The following RUNX1 variants were observed in gnomAD, a reference collection of about 807,000 sequenced individuals.
The protein encoded by RUNX1 is RUNX family transcription factor 1, also known as runt-related transcription factor 1.
A neutral mutation model predicts 42.8 loss-of-function variants in RUNX1; 19 were observed. That is an observed-to-expected ratio of 0.44 (90% CI 0.31 to 0.65). The LOEUF (loss-of-function observed/expected upper bound fraction) is 0.65, where lower values mean the gene tolerates loss of function less well. Ranked by LOEUF, RUNX1 falls within the 30% of genes least tolerant of loss-of-function variation. RUNX1 has a pLI of 0.07. For synonymous variants in RUNX1, 271 were observed against 289.4 expected, an observed-to-expected ratio of 0.94 and a Z score of 0.64; for missense variants, 528 against 672.0, an observed-to-expected ratio of 0.79 and a Z score of 2.37.
Position 34,812,853 on chromosome 21 carries a change from A to T in RUNX1, c.806-13391T>A, listed in dbSNP as rs200084022. Among the ~76,000 whole-genome samples, 26 of 152,202 alleles carry T rather than the reference A, an allele frequency of 1.7e-4. 1 individual carries two copies. The highest frequency in any genetic ancestry group is 1.2e-3 in the East Asian group (6 of 5,184). ...GGGCTAAAATGGAGTAATTTTTTTT[A>T]AAAAAATTAAATGTAGAGGTTGAGA... is the stretch of plus-strand genomic sequence containing the variant. On this transcript the variant is annotated intron_variant, in intron 7 of 8. Transcript: ENST00000675419.
chr21:34,877,812 C>T (rs2057835906), intron 5 of RUNX1, among the ~76,000 whole-genome samples: 1 of 152,098 alleles, frequency 6.6e-6, no homozygotes, highest in Non-Finnish European at 1.5e-5. Context: ...GTTTACAATC[C>T]CCATGGACTG....
intron 6 of RUNX1, among the ~76,000 whole-genome samples, chr21:34,841,220 T>A (rs1234676683): frequency 6.6e-6 from 1 of 152,152 alleles, no homozygotes; most frequent in Non-Finnish European, 1.5e-5. Flanking sequence ...CCTGTTCCTC[T>A]AGCTCATGCC....
chr21:34,928,523 G>A (rs991931407), intron 2 of RUNX1, among the ~76,000 whole-genome samples: 1 of 151,892 alleles, frequency 6.6e-6, no homozygotes, highest in Non-Finnish European at 1.5e-5. Flanking sequence ...GTGAAACCCC[G>A]CCTCTACTAA....
At chr21:35,005,432 T>G (rs2059077164) in intron 2 of RUNX1, among the ~76,000 whole-genome samples, 1 of 152,128 alleles carries the variant, frequency 6.6e-6, no homozygotes. Context: ...CCCCACCCCA[T>G]ACCCCACGAA....
chr21:35,012,952 C>T (rs1178773199), intron 2 of RUNX1, among the ~76,000 whole-genome samples: 1 of 152,170 alleles, frequency 6.6e-6, no homozygotes, highest in Non-Finnish European at 1.5e-5. Flanking sequence ...ATCGATAATA[C>T]ATAAATGAAC....
At chr21:34,934,153 T>A (rs2058468359) in intron 2 of RUNX1, among the ~76,000 whole-genome samples, 1 of 152,210 alleles carries the variant, frequency 6.6e-6, no homozygotes, top group South Asian at 2.1e-4. Context: ...AAGTTTCTCA[T>A]GAGCTGTGAC....
rs1436154174 is a variant in RUNX1, at chr21:34,963,643, T to A, written c.59-70680A>T. ...GCCTTTGATTCTCCCTCCCTTGATCTGTAAGTTGTTCAAGCTATAGTCCAC... is the reference window on the plus strand; with the variant it reads ...GCCTTTGATTCTCCCTCCCTTGATCAGTAAGTTGTTCAAGCTATAGTCCAC... On this transcript the variant is annotated intron_variant, in intron 2 of 8. Coordinates refer to ENST00000675419, the MANE Select transcript of RUNX1 (RefSeq NM_001754.5). 2.6e-5 allele frequency among the ~76,000 whole-genome samples: 4 copies of A among 152,306 alleles called. No individual in the cohort carries two copies. In the East Asian group the frequency reaches 7.7e-4, roughly 29 times the overall value.
chr21:34,912,543 T>C (rs764370392), intron 2 of RUNX1, among the ~76,000 whole-genome samples: 9 of 152,140 alleles, frequency 5.9e-5, no homozygotes, highest in Non-Finnish European at 8.8e-5. Flanking sequence ...CTCATTCCGA[T>C]GGAAAACATT....
At chr21:35,047,348 C>T (rs940642969) in intron 2 of RUNX1, among the ~76,000 whole-genome samples, 2 of 151,954 alleles carry the variant, frequency 1.3e-5, no homozygotes, top group East Asian at 1.9e-4. Flanking sequence ...ACCAACCAAA[C>T]GACGCTGCAA....
rs868726626 is a variant in RUNX1 at position 34,859,564 on chromosome 21, G to C, written c.523C>G (p.Leu175Val). The C allele has an allele frequency of 1.4e-5, 23 of 1,613,918 alleles. No individual in the cohort carries two copies. Among genetic ancestry groups the C allele is most frequent in the Non-Finnish European group, 1.9e-5 (23 of 1,179,884 alleles). ...GGGTTTGTGAAGACAGTGATGGTCA[G>C]AGTGAAGCTTTTCCCTGTGGGGACA... ...GRSGRGKSFTLTITVFTNPPQ... is the reference protein window; with the variant it reads ...GRSGRGKSFTVTITVFTNPPQ... The change falls in exon 6 of 9, where the codon CTG (leucine) becomes GTG (valine). Residue 175 changes from leucine to valine, a missense_variant. By Grantham distance (32) the Leu-to-Val change is conservative. Transcript: ENST00000675419.
intron 2 of RUNX1, among the ~76,000 whole-genome samples, chr21:34,925,921 T>C (rs1185813516): frequency 1.3e-5 from 2 of 152,090 alleles, no homozygotes; most frequent in African/African-American, 4.8e-5. Flanking sequence ...AGGCTAGTAC[T>C]ATAGAGTGCT....
chr21:34,960,684 G>T (rs1004899396), intron 2 of RUNX1, among the ~76,000 whole-genome samples: 18 of 152,194 alleles, frequency 1.2e-4, no homozygotes, highest in Non-Finnish European at 2.4e-4. Flanking sequence ...CCGTGGCTGA[G>T]TTCTAGGAGG....
chr21:35,043,048 C>T (rs1055022699), intron 2 of RUNX1, among the ~76,000 whole-genome samples: 46 of 152,058 alleles, frequency 3.0e-4, no homozygotes, highest in African/African-American at 1.1e-3. Flanking sequence ...GAAGCCTGCG[C>T]AAGTGAGAGC....
chr21:34,887,423 C>A, intron 3 of RUNX1: 1 of 1,328,354 alleles, frequency 7.5e-7, no homozygotes, highest in Non-Finnish European at 9.6e-7. Context: ...AGGTTAAGTT[C>A]TGTCTTTGGC....
intron 2 of RUNX1, among the ~76,000 whole-genome samples, chr21:34,929,825 T>C (rs2058426086): frequency 6.6e-6 from 1 of 152,166 alleles, no homozygotes; most frequent in Non-Finnish European, 1.5e-5. Flanking sequence ...CAACTCCTTA[T>C]GTTACAGTGA....
chr21:34,853,110 AGAAGAGG>A (rs2057447033), intron 6 of RUNX1, among the ~76,000 whole-genome samples: 3 of 152,198 alleles, frequency 2.0e-5, no homozygotes, highest in African/African-American at 7.2e-5. Context: ...CAACACCGGA[AGAAGAGG>A]TCTATGTTGT....
intron 2 of RUNX1, among the ~76,000 whole-genome samples, chr21:34,976,182 C>G (rs2058800425): frequency 6.6e-6 from 1 of 151,394 alleles, no homozygotes; most frequent in African/African-American, 2.4e-5. Context: ...ACTGTTCAAG[C>G]TCAATGAGAT....
intron 5 of RUNX1, among the ~76,000 whole-genome samples, chr21:34,870,948 C>T (rs369411983): frequency 6.6e-6 from 1 of 151,520 alleles, no homozygotes; most frequent in African/African-American, 2.4e-5. Context: ...CAGGGCGAGA[C>T]TCCATCTCAA....
chr21:34,808,016 C>T (rs1246049948), intron 7 of RUNX1, among the ~76,000 whole-genome samples: 3 of 152,244 alleles, frequency 2.0e-5, no homozygotes, highest in African/African-American at 7.2e-5. Flanking sequence ...GAAGAGCAGT[C>T]ACCTATTCCT....
Sources: gnomAD v4.1 joint callset for allele counts (sites outside exome capture counted in the v4.1 genomes callset) on GRCh38, gnomAD v4.1.1 for gene constraint, MANE v1.5 for transcripts, NCBI Gene and HGNC (gene_info 2026-07-23, HGNC 2026-07-21) for gene names.